TMEFF2: variants seen among roughly 807,000 people sequenced by gnomAD.
The protein encoded by TMEFF2 is transmembrane protein with EGF like and two follistatin like domains 2.
In TMEFF2, 28 loss-of-function variants were observed where a neutral mutation model predicts 53.8. The ratio of observed to expected loss-of-function variants is 0.52; its 90% CI spans 0.39 to 0.71. TMEFF2 has a LOEUF of 0.71. TMEFF2 is among the 30% of genes least tolerant of loss of function. TMEFF2 has a pLI of 0.00. For missense variants in TMEFF2, 353 were observed against 455.2 expected, an observed-to-expected ratio of 0.78 and a Z score of 2.04; for synonymous variants, 162 against 166.3, an observed-to-expected ratio of 0.97 and a Z score of 0.20.
chr2:192,154,060 A>T (rs982366180), intron 4 of TMEFF2, among the ~76,000 whole-genome samples: 1 of 151,886 alleles, frequency 6.6e-6, no homozygotes, highest in African/African-American at 2.4e-5. Context: ...GATTAGTGAC[A>T]TGGCTGCTTT....
intron 4 of TMEFF2, among the ~76,000 whole-genome samples, chr2:192,125,359 CTAAT>C (rs1689651840): frequency 6.6e-6 from 1 of 151,986 alleles, no homozygotes; most frequent in Non-Finnish European, 1.5e-5. Flanking sequence ...CAGCTCAACT[CTAAT>C]AAAAATATAC....
At chr2:192,130,722 CTT>C (rs1689800666) in intron 4 of TMEFF2, among the ~76,000 whole-genome samples, 2 of 152,046 alleles carry the variant, frequency 1.3e-5, no homozygotes, top group South Asian at 4.2e-4. Context: ...CGCTGACTCT[CTT>C]TTCAGACTCA....
At chr2:192,030,424 C>T (rs1283345856) in intron 5 of TMEFF2, 1 of 152,082 alleles carries the variant, frequency 6.6e-6, no homozygotes, top group Non-Finnish European at 1.5e-5. Flanking sequence ...CAGAGGCTTA[C>T]TCATTTCTGC....
In TMEFF2 at chr2:192,067,696, T is replaced by G. The variant is rs142366514; in HGVS notation, c.440-9921A>C. 1.1e-4 allele frequency among the ~76,000 whole-genome samples: 17 copies of G among 151,996 alleles called. 1 individual carries two copies. The East Asian group carries it at 3.3e-3, about 29-fold the overall frequency. ...GTTTTGATAACTTAAAGGTATTTTG[T>G]GATAGAGCAAGTTTCATTTGAATAA... On this transcript the variant is annotated intron_variant, in intron 4 of 9. Coordinates refer to ENST00000272771, the MANE Select transcript of TMEFF2 (RefSeq NM_016192.4).
intron 4 of TMEFF2, among the ~76,000 whole-genome samples, chr2:192,093,863 G>C (rs1688846441): frequency 6.6e-6 from 1 of 151,750 alleles, no homozygotes; most frequent in South Asian, 2.1e-4. Flanking sequence ...ACAGTAAGAA[G>C]ACAAGACTAG....
At chr2:192,011,487 G>C (rs899082988) in intron 5 of TMEFF2, among the ~76,000 whole-genome samples, 1 of 152,218 alleles carries the variant, frequency 6.6e-6, no homozygotes, top group Non-Finnish European at 1.5e-5. Flanking sequence ...TTATTCTTAA[G>C]CCTGAGTGTA....
chr2:192,182,869 C>G lies in TMEFF2; in HGVS notation c.412+1485G>C, dbSNP rs73984911. Among the ~76,000 whole-genome samples the G allele has an allele frequency of 4.1e-3, 628 of 152,058 alleles. 5 individuals are homozygous for G. The highest frequency in any genetic ancestry group is 0.012 in the African/African-American group (481 of 41,514). ...TTTCTCATTTCTTTGGTATGGCTGA[C>G]TGATTCCTCATAATTAGTTTGCTCC... On this transcript the variant is annotated intron_variant, in intron 3 of 9. Transcript: ENST00000272771.
rs1316607939 is a variant in TMEFF2, at chr2:192,033,110, TG to T, written c.536+24568del. 2.0e-5 allele frequency among the ~76,000 whole-genome samples: 3 copies of T among 152,198 alleles called. No individual in the cohort carries two copies. The East Asian group carries it at 5.8e-4, about 29-fold the overall frequency. On this transcript the variant is annotated intron_variant, in intron 5 of 9. Coordinates refer to ENST00000272771, the MANE Select transcript of TMEFF2 (RefSeq NM_016192.4). ...CCAGTAGAATAAGTGCTAACATGCA[TG>T]GCCTATTTAAGTGTCTGCTTTGGAG...
intron 5 of TMEFF2, among the ~76,000 whole-genome samples, chr2:192,043,309 G>A (rs1056642059): frequency 6.6e-6 from 1 of 152,154 alleles, no homozygotes; most frequent in Non-Finnish European, 1.5e-5. Flanking sequence ...TCAGACTAGA[G>A]CCAGTTTATG....
At chr2:192,123,967 T>C (rs1426058573) in intron 4 of TMEFF2, among the ~76,000 whole-genome samples, 1 of 152,240 alleles carries the variant, frequency 6.6e-6, no homozygotes, top group African/African-American at 2.4e-5. Context: ...ATTTTGTTCT[T>C]TCATTCCATC....
rs1192042680 is a variant in TMEFF2, at chr2:191,956,255, C to A, written c.869G>T (p.Arg290Met). ...CTATTCTTGCGAGTAAAAATGTTAC[C>A]TGCAAGATGGCTCCTGCATATTGAT... ...HSINMQEPSCRCDAGYTGQHC... is the reference protein window; with the variant it reads ...HSINMQEPSCMCDAGYTGQHC... The change falls in exon 8 of 10, where the codon AGG becomes ATG. Residue 290 changes from arginine to methionine, a missense_variant and splice_region_variant. Arg to Met is a moderately conservative substitution (Grantham distance 91). Coordinates refer to ENST00000272771, the MANE Select transcript of TMEFF2 (RefSeq NM_016192.4). The A allele has an allele frequency of 6.2e-7, 1 of 1,607,078 alleles. No homozygotes were observed. Among genetic ancestry groups the A allele is most frequent in the Non-Finnish European group, 8.5e-7 (1 of 1,177,688 alleles).
At chr2:192,122,227 C>A (rs1689573361) in intron 4 of TMEFF2, among the ~76,000 whole-genome samples, 1 of 152,008 alleles carries the variant, frequency 6.6e-6, no homozygotes, top group African/African-American at 2.4e-5. Flanking sequence ...TCATCCCAAC[C>A]CCTCTATTCA....
At chr2:192,147,413 G>A (rs1690279160) in intron 4 of TMEFF2, among the ~76,000 whole-genome samples, 1 of 151,846 alleles carries the variant, frequency 6.6e-6, no homozygotes, top group African/African-American at 2.4e-5. Flanking sequence ...CATGTGCCAT[G>A]TTGGTGTGCT....
At chr2:191,986,377 G>A (rs943404344) in intron 7 of TMEFF2, among the ~76,000 whole-genome samples, 4 of 152,092 alleles carry the variant, frequency 2.6e-5, no homozygotes, top group East Asian at 3.8e-4. Flanking sequence ...ATACTAGTTA[G>A]GAATACTGAA....
chr2:192,111,884 G>A (rs1241804565), intron 4 of TMEFF2, among the ~76,000 whole-genome samples: 4 of 152,212 alleles, frequency 2.6e-5, no homozygotes. Context: ...TTCAGTGGGT[G>A]CAAGCCCCAA....
chr2:192,057,554 A>C, intron 5 of TMEFF2, 125 bp downstream of exon 5: 2 of 846,396 alleles, frequency 2.4e-6, no homozygotes, highest in Non-Finnish European at 3.7e-6. Context: ...TTTTTTTTTC[A>C]CTTGGGAACT....
chr2:192,018,593 G>C (rs1170626154), intron 5 of TMEFF2, among the ~76,000 whole-genome samples: 1 of 152,018 alleles, frequency 6.6e-6, no homozygotes, highest in Admixed American at 6.6e-5. Flanking sequence ...GCTGGGTGGG[G>C]ATCAGCTGGA....
intron 4 of TMEFF2, among the ~76,000 whole-genome samples, chr2:192,066,021 T>C (rs915647575): frequency 2.0e-5 from 3 of 151,748 alleles, no homozygotes; most frequent in African/African-American, 7.2e-5. Context: ...GTTTTTGAGC[T>C]GTAGTCATAT....
intron 2 of TMEFF2, 147 bp downstream of exon 2, chr2:192,191,733 T>C: frequency 3.4e-6 from 2 of 582,052 alleles, no homozygotes; most frequent in East Asian, 2.9e-5. Context: ...TTGACATCAG[T>C]TGGCTCTCTT....
Sources: allele counts gnomAD v4.1 joint callset (sites outside exome capture counted in the v4.1 genomes callset), GRCh38; gene constraint gnomAD v4.1.1; transcripts MANE v1.5; gene names NCBI Gene and HGNC (gene_info 2026-07-23, HGNC 2026-07-21).